ZMAT4: variants seen among roughly 807,000 people sequenced by gnomAD.
The protein encoded by ZMAT4 is zinc finger matrin-type 4.
In ZMAT4, 17 loss-of-function variants were observed where a neutral mutation model predicts 28.7. That is an observed-to-expected ratio of 0.59 (90% confidence interval 0.41 to 0.89). ZMAT4 has a LOEUF of 0.89. ZMAT4 is among the 40% of genes least tolerant of loss of function. The pLI is 0.00. For missense variants in ZMAT4, 240 were observed against 283.8 expected (o/e 0.85, Z 1.11); for synonymous variants, 117 against 109.2 (o/e 1.07, Z -0.44).
chr8:40,686,489 C>T (rs1214149802), intron 4 of ZMAT4, among the ~76,000 whole-genome samples: 2 of 151,854 alleles, frequency 1.3e-5, no homozygotes, highest in African/African-American at 4.8e-5. Flanking sequence ...TGAAAATTAG[C>T]CTGGCATAGT....
At chr8:40,672,120 A>G (rs1395269131) in intron 5 of ZMAT4, among the ~76,000 whole-genome samples, 1 of 152,198 alleles carries the variant, frequency 6.6e-6, no homozygotes, top group African/African-American at 2.4e-5. Context: ...AGTAAACAAG[A>G]CAGTGTTTAA....
At chr8:40,862,954 G>C (rs1212319790) in intron 1 of ZMAT4, among the ~76,000 whole-genome samples, 1 of 151,450 alleles carries the variant, frequency 6.6e-6, no homozygotes. Context: ...ATGTACCCTA[G>C]AACTTAAAAT....
chr8:40,673,568 C>A (rs1002031879), intron 5 of ZMAT4, among the ~76,000 whole-genome samples: 1 of 152,076 alleles, frequency 6.6e-6, no homozygotes, highest in Non-Finnish European at 1.5e-5. Flanking sequence ...ATCAATAGCA[C>A]CCCTTGCAGA....
intron 5 of ZMAT4, among the ~76,000 whole-genome samples, chr8:40,617,158 T>C (rs1021310568): frequency 6.6e-6 from 1 of 152,192 alleles, no homozygotes; most frequent in Non-Finnish European, 1.5e-5. Context: ...GATCATATTC[T>C]TTATATTATA....
At chr8:40,716,058 T>C (rs942453242) in intron 3 of ZMAT4, among the ~76,000 whole-genome samples, 1 of 152,246 alleles carries the variant, frequency 6.6e-6, no homozygotes, top group Non-Finnish European at 1.5e-5. Flanking sequence ...CTGCTATCTT[T>C]ATCACTCAGC....
intron 3 of ZMAT4, among the ~76,000 whole-genome samples, chr8:40,756,425 T>G (rs1273494088): frequency 1.2e-5 from 1 of 81,118 alleles, no homozygotes; most frequent in East Asian, 4.7e-4. Flanking sequence ...GAAATGTTCT[T>G]TTATATATAT....
chr8:40,659,937 T>C (rs1035967241), intron 5 of ZMAT4, among the ~76,000 whole-genome samples: 5 of 152,236 alleles, frequency 3.3e-5, no homozygotes, highest in African/African-American at 1.2e-4. Flanking sequence ...TAGATGCCTT[T>C]CTTTTACATA....
At chr8:40,841,713 T>C (rs1385748887) in intron 1 of ZMAT4, among the ~76,000 whole-genome samples, 1 of 152,238 alleles carries the variant, frequency 6.6e-6, no homozygotes, top group Non-Finnish European at 1.5e-5. Flanking sequence ...CTAAGCACTT[T>C]AGCCCGATAA....
intron 1 of ZMAT4, among the ~76,000 whole-genome samples, chr8:40,851,948 G>A (rs1230179649): frequency 6.6e-6 from 1 of 152,088 alleles, no homozygotes; most frequent in Non-Finnish European, 1.5e-5. Flanking sequence ...CCAGGCTGGA[G>A]TGGAGTGGCA....
chr8:40,591,084 A>T (rs1353670080), intron 5 of ZMAT4, among the ~76,000 whole-genome samples: 1 of 151,972 alleles, frequency 6.6e-6, no homozygotes, highest in Non-Finnish European at 1.5e-5. Flanking sequence ...CTGACTCTTC[A>T]TGTCTGTGTC....
chr8:40,737,514 C>A (rs570207341), intron 3 of ZMAT4, among the ~76,000 whole-genome samples: 3 of 152,228 alleles, frequency 2.0e-5, no homozygotes, highest in South Asian at 2.1e-4. Context: ...TTAAATAATA[C>A]TTGAATAATT....
intron 2 of ZMAT4, chr8:40,786,595 G>C: frequency 1.1e-6 from 1 of 904,174 alleles, no homozygotes; most frequent in Non-Finnish European, 1.5e-6. Context: ...CAGCATGCAC[G>C]TTCTGGTTAT....
chr8:40,708,571 TTC>T (rs36210172), intron 3 of ZMAT4, among the ~76,000 whole-genome samples: 7,541 of 120,886 alleles, frequency 0.062, 287 homozygotes, highest in African/African-American at 0.1. Context: ...TACACACTCT[TTC>T]TCTCTCTCTC....
chr8:40,554,058 A>G (rs909049154), intron 6 of ZMAT4, among the ~76,000 whole-genome samples: 3 of 152,108 alleles, frequency 2.0e-5, no homozygotes, highest in African/African-American at 7.2e-5. Flanking sequence ...ATGTCATATC[A>G]TATCATATCA....
intron 4 of ZMAT4, among the ~76,000 whole-genome samples, chr8:40,687,058 C>T (rs1809441370): frequency 6.6e-6 from 1 of 152,138 alleles, no homozygotes; most frequent in South Asian, 2.1e-4. Flanking sequence ...TTTGCTGACA[C>T]TCCAGCAGTC....
At chr8:40,574,394 C>T (rs192048631) in intron 6 of ZMAT4, among the ~76,000 whole-genome samples, 83 of 151,598 alleles carry the variant, frequency 5.5e-4, no homozygotes, top group African/African-American at 2.0e-3. Context: ...CTATATAAAA[C>T]CAAAAAATAT....
chr8:40,540,661 T>C (rs1386142769), intron 6 of ZMAT4, among the ~76,000 whole-genome samples: 6 of 152,168 alleles, frequency 3.9e-5, no homozygotes, highest in Non-Finnish European at 8.8e-5. Context: ...TGGTCAGAAG[T>C]GCAGGCATCC....
chr8:40,764,400 G>T (rs1048823808), intron 3 of ZMAT4, among the ~76,000 whole-genome samples: 4 of 152,168 alleles, frequency 2.6e-5, no homozygotes, highest in South Asian at 2.1e-4. Context: ...AAGCCAAATG[G>T]CCTGAAGTAG....
intron 4 of ZMAT4, among the ~76,000 whole-genome samples, chr8:40,688,442 C>A (rs1809515778): frequency 6.6e-6 from 1 of 151,910 alleles, no homozygotes; most frequent in African/African-American, 2.4e-5. Flanking sequence ...GGTGACAGGG[C>A]AAGACTCCAT....
Sources: gnomAD v4.1 joint callset for allele counts (sites outside exome capture counted in the v4.1 genomes callset) on GRCh38, gnomAD v4.1.1 for gene constraint, MANE v1.5 for transcripts, NCBI Gene and HGNC (gene_info 2026-07-23, HGNC 2026-07-21) for gene names.